COL14A1: variants seen among roughly 807,000 people sequenced by gnomAD.
COL14A1 encodes the protein collagen alpha-1(XIV) chain.
In COL14A1, 136 loss-of-function variants were observed where a neutral mutation model predicts 230.3. That is an observed-to-expected ratio of 0.59 (90% confidence interval 0.51 to 0.68). The LOEUF (loss-of-function observed/expected upper bound fraction) is 0.68. Among genes scored for constraint, COL14A1 ranks in the 30% least tolerant of loss-of-function variants. The probability of loss-of-function intolerance (pLI) is 0.00; values close to 1 mark genes in which losing one functional copy is unlikely to be tolerated. For missense variants in COL14A1, 1,976 were observed against 2,215.8 expected (o/e 0.89, Z 2.17); for synonymous variants, 792 against 784.1 (o/e 1.01, Z -0.17).
At chr8:120,177,652 CAAAAAAAAAAAAA>C (rs60652647) in intron 5 of COL14A1, among the ~76,000 whole-genome samples, 3 of 82,814 alleles carry the variant, frequency 3.6e-5, no homozygotes, top group Non-Finnish European at 6.7e-5. Context: ...TTGCCTGCTT[CAAAAAAAAAAAAA>C]AAAAAAAGAC....
intron 47 of COL14A1, chr8:120,370,332 T>C (rs749509538): frequency 1.2e-5 from 20 of 1,611,654 alleles, no homozygotes; most frequent in African/African-American, 1.1e-4. Flanking sequence ...CTATCCTTAT[T>C]AAGATCTGAT....
At chr8:120,315,414 T>C (rs1378438017) in intron 38 of COL14A1, 119 bp from the exon 39 acceptor site, 1 of 646,512 alleles carries the variant, frequency 1.5e-6, no homozygotes, top group African/African-American at 1.8e-5. Context: ...ATATATTCTG[T>C]TTAGATGTTA....
chr8:120,360,272 C>T lies in COL14A1; in HGVS notation c.5078-6899C>T, dbSNP rs138837831. The stretch of plus-strand genomic sequence containing the variant: ...CAGGTTTTGTGGAACCTGAAGCTTA[C>T]GACTTGGGGTTCCTCTTGAAGAAAA... On this transcript the variant is annotated intron_variant, in intron 45 of 47. Transcript: ENST00000297848. 6.6e-5 allele frequency among the ~76,000 whole-genome samples: 10 copies of T among 152,300 alleles called. No individual in the cohort carries two copies. In the East Asian group the frequency reaches 1.2e-3, roughly 18 times the overall value.
At chr8:120,177,179 A>C (rs1816308562) in intron 5 of COL14A1, among the ~76,000 whole-genome samples, 1 of 152,244 alleles carries the variant, frequency 6.6e-6, no homozygotes, top group Non-Finnish European at 1.5e-5. Flanking sequence ...AATGACTGGC[A>C]GAAGCAAACA....
chr8:120,229,820 G>A (rs1435424136), intron 18 of COL14A1, among the ~76,000 whole-genome samples: 1 of 152,122 alleles, frequency 6.6e-6, no homozygotes, highest in Non-Finnish European at 1.5e-5. Flanking sequence ...GGTGTGAGAT[G>A]GTATCTCATT....
intron 5 of COL14A1, among the ~76,000 whole-genome samples, chr8:120,194,339 C>G (rs576531871): frequency 6.6e-6 from 1 of 152,104 alleles, no homozygotes; most frequent in South Asian, 2.1e-4. Context: ...GATTATTTCC[C>G]TCTTCTTTTA....
intron 26 of COL14A1, among the ~76,000 whole-genome samples, chr8:120,274,029 A>C (rs1819761736): frequency 6.6e-6 from 1 of 151,842 alleles, no homozygotes; most frequent in South Asian, 2.1e-4. Flanking sequence ...CATAATGAAA[A>C]AGAAAATTAC....
At chr8:120,166,496 C>G (rs1227047294) in intron 4 of COL14A1, among the ~76,000 whole-genome samples, 2 of 150,134 alleles carry the variant, frequency 1.3e-5, no homozygotes, top group Non-Finnish European at 3.0e-5. Context: ...GGAAGTTTCT[C>G]TAAGTCTCTA....
chr8:120,193,878 G>C (rs1184924768), intron 5 of COL14A1, among the ~76,000 whole-genome samples: 2 of 152,194 alleles, frequency 1.3e-5, no homozygotes, highest in African/African-American at 2.4e-5. Context: ...ATCTCCTGTA[G>C]CACCGTTTTT....
chr8:120,279,155 G>T (rs977121965), intron 28 of COL14A1, among the ~76,000 whole-genome samples: 3 of 151,564 alleles, frequency 2.0e-5, no homozygotes, highest in Admixed American at 6.6e-5. Context: ...TGTCGGGGGT[G>T]GGGGGCAAGG....
chr8:120,220,524 G>A (rs1199462502), intron 14 of COL14A1, among the ~76,000 whole-genome samples: 1 of 151,950 alleles, frequency 6.6e-6, no homozygotes, highest in Non-Finnish European at 1.5e-5. Flanking sequence ...TGCCCACCTC[G>A]GCCTCCAAAA....
At chr8:120,136,881 C>T (rs1814727647) in intron 1 of COL14A1, among the ~76,000 whole-genome samples, 1 of 132,100 alleles carries the variant, frequency 7.6e-6, no homozygotes, top group Admixed American at 9.2e-5. Context: ...AGGAGAATTG[C>T]TTGAACCCGG....
chr8:120,166,647 G>A (rs1815884949), intron 4 of COL14A1, among the ~76,000 whole-genome samples: 1 of 152,134 alleles, frequency 6.6e-6, no homozygotes, highest in Non-Finnish European at 1.5e-5. Flanking sequence ...ATGTGTGGGT[G>A]GGGTTGAAGA....
chr8:120,317,342 C>T (rs937308643), intron 40 of COL14A1, among the ~76,000 whole-genome samples: 2 of 151,742 alleles, frequency 1.3e-5, no homozygotes, highest in African/African-American at 4.9e-5. Context: ...CCTTCTACAT[C>T]CCCCCCTTTT....
chr8:120,167,632 G>A (rs1164528100), intron 4 of COL14A1, among the ~76,000 whole-genome samples: 1 of 152,184 alleles, frequency 6.6e-6, no homozygotes, highest in African/African-American at 2.4e-5. Flanking sequence ...TGTATTAATA[G>A]AGACCTTTTT....
intron 8 of COL14A1, among the ~76,000 whole-genome samples, chr8:120,200,535 T>A (rs1336893956): frequency 1.3e-5 from 2 of 151,248 alleles, no homozygotes; most frequent in Non-Finnish European, 3.0e-5. Flanking sequence ...TCTACTCTTA[T>A]GAAATTGAAC....
At chr8:120,225,334 C>G (rs1818062118) in intron 15 of COL14A1, 120 bp downstream of exon 15, 1 of 815,964 alleles carries the variant, frequency 1.2e-6, no homozygotes. Flanking sequence ...ATTTTTATTT[C>G]TTTTATGTTA....
chr8:120,174,106 T>C (rs529629810), intron 5 of COL14A1, among the ~76,000 whole-genome samples: 9 of 152,336 alleles, frequency 5.9e-5, no homozygotes, highest in Admixed American at 2.6e-4. Flanking sequence ...AAGTATCACA[T>C]CTGCTATTCC....
chr8:120,292,813 C>G (rs916689206), intron 34 of COL14A1, among the ~76,000 whole-genome samples: 2 of 152,002 alleles, frequency 1.3e-5, no homozygotes, highest in East Asian at 3.8e-4. Flanking sequence ...AACATTTAGT[C>G]TTTAAAGAAA....
Sources: gnomAD v4.1 joint callset for allele counts (sites outside exome capture counted in the v4.1 genomes callset) on GRCh38, gnomAD v4.1.1 for gene constraint, MANE v1.5 for transcripts, NCBI Gene and HGNC (gene_info 2026-07-23, HGNC 2026-07-21) for gene names.